The following HMCN1 variants were observed in gnomAD, a reference collection of about 807,000 sequenced individuals.
The protein encoded by HMCN1 is hemicentin 1.
A neutral mutation model predicts 625.9 loss-of-function variants in HMCN1; 321 were observed. That is an observed-to-expected ratio of 0.51 (90% confidence interval 0.47 to 0.56). The LOEUF (loss-of-function observed/expected upper bound fraction) is 0.56, where lower values mean the gene tolerates loss of function less well. Among genes scored for constraint, HMCN1 ranks in the 20% least tolerant of loss-of-function variants. The pLI is 0.00. For synonymous variants in HMCN1, 2,425 were observed against 2,417.6 expected, an observed-to-expected ratio of 1.00 and a Z score of -0.09; for missense variants, 6,588 against 6,887.3, an observed-to-expected ratio of 0.96 and a Z score of 1.54.
Position 186,081,382 on chromosome 1 carries a change from A to G in HMCN1, c.8775A>G (p.Gly2925=), listed in dbSNP as rs1659160598. 4 of 1,611,770 alleles carry G rather than the reference A, an allele frequency of 2.5e-6. No individual in the cohort carries two copies. The highest frequency in any genetic ancestry group is 3.4e-6 in the Non-Finnish European group (4 of 1,177,970). The change falls in exon 56 of 107, where the codon GGA becomes GGG. Residue 2925 remains glycine (G), a synonymous_variant. Coordinates refer to ENST00000271588, the MANE Select transcript of HMCN1 (RefSeq NM_031935.3). ...ACCATCATAAATTTCTATCTAATGG[A>G]CGAATTCTGCAGGTAAAAGTAAAGA... ...EDDHHKFLSN[G]RILQILNTQI... is the part of the protein sequence containing the mutation.
intron 1 of HMCN1, among the ~76,000 whole-genome samples, chr1:185,763,675 G>T (rs1026507075): frequency 3.9e-5 from 6 of 152,100 alleles, no homozygotes; most frequent in African/African-American, 1.4e-4. Flanking sequence ...TCTGCCAGAT[G>T]GTCATGTATA....
rs1442321559 is a variant in HMCN1, at chr1:185,969,960, C to T, written c.2213-375C>T. Among the ~76,000 whole-genome samples, 9 of 152,258 alleles carry T rather than the reference C, an allele frequency of 5.9e-5. No homozygotes were observed. The East Asian group carries it at 1.7e-3, about 29-fold the overall frequency. On this transcript the variant is annotated intron_variant, in intron 14 of 106. Coordinates refer to ENST00000271588, the MANE Select transcript of HMCN1 (RefSeq NM_031935.3). ...AGCAGAAATAAAATTCCTCTGGTCT[C>T]TCAAACATCTACTGAGTAACCAAAT...
At chr1:186,178,337 A>G (rs1652725369) in intron 103 of HMCN1, 79 bp from the exon 104 acceptor site, 1 of 1,028,458 alleles carries the variant, frequency 9.7e-7, no homozygotes, top group African/African-American at 1.6e-5. Context: ...TGTTTCACAG[A>G]CTCATTCTTT....
intron 63 of HMCN1, among the ~76,000 whole-genome samples, chr1:186,089,584 A>C (rs553888141): frequency 1.3e-5 from 2 of 152,162 alleles, no homozygotes; most frequent in Admixed American, 6.6e-5. Context: ...TCAGAGATTC[A>C]ACGTCAGAAG....
intron 1 of HMCN1, among the ~76,000 whole-genome samples, chr1:185,737,368 T>C (rs1018470133): frequency 1.3e-5 from 2 of 152,122 alleles, no homozygotes; most frequent in South Asian, 2.1e-4. Flanking sequence ...CGGGCTAGTC[T>C]TGAACTCCTG....
chr1:186,029,738 C>G lies in HMCN1; in HGVS notation c.5749+6585C>G, dbSNP rs946523854. On this transcript the variant is annotated intron_variant, in intron 36 of 106. Transcript: ENST00000271588. ...CTTCTCTATTTAATTTGTATATACT[C>G]TAATTTTTTTTGTTTTCTCCTTTTG... 2.6e-5 allele frequency among the ~76,000 whole-genome samples: 4 copies of G among 151,708 alleles called. No individual in the cohort carries two copies. In the East Asian group the frequency reaches 7.7e-4, roughly 29 times the overall value.
chr1:186,180,168 A>G (rs1317333637), intron 104 of HMCN1, among the ~76,000 whole-genome samples: 1 of 152,216 alleles, frequency 6.6e-6, no homozygotes, highest in East Asian at 1.9e-4. Flanking sequence ...ATATTAAACA[A>G]CACTGTCAAT....
intron 57 of HMCN1, among the ~76,000 whole-genome samples, chr1:186,083,528 T>G (rs1284992586): frequency 6.8e-6 from 1 of 147,288 alleles, no homozygotes; most frequent in East Asian, 2.0e-4. Flanking sequence ...AGTAGTTGAA[T>G]ATCTACTGCA....
intron 2 of HMCN1, among the ~76,000 whole-genome samples, chr1:185,849,968 GAA>G (rs150050607): frequency 0.053 from 7,976 of 151,750 alleles, 638 homozygotes; most frequent in African/African-American, 0.18. Flanking sequence ...CAAATTCTCT[GAA>G]AAAAAATTTC....
At chr1:186,038,088 A>C in intron 37 of HMCN1, 53 bp downstream of exon 37, 1 of 1,216,936 alleles carries the variant, frequency 8.2e-7, no homozygotes, top group Admixed American at 1.7e-5. Context: ...TCTGGGAATA[A>C]CTGAAATTGG....
intron 86 of HMCN1, 55 bp downstream of exon 86, chr1:186,132,464 A>G: frequency 7.7e-7 from 1 of 1,306,868 alleles, no homozygotes; most frequent in African/African-American, 1.5e-5. Context: ...ATTACCTAAT[A>G]AAGAGTATTT....
intron 79 of HMCN1, 43 bp from the exon 80 acceptor site, chr1:186,119,968 G>A (rs754913356): frequency 4.3e-6 from 7 of 1,613,906 alleles, no homozygotes; most frequent in Non-Finnish European, 5.9e-6. Context: ...TTAATGAACA[G>A]GCTTTTTTTT....
intron 36 of HMCN1, among the ~76,000 whole-genome samples, chr1:186,024,699 C>T (rs1256746555): frequency 6.6e-6 from 1 of 152,154 alleles, no homozygotes; most frequent in Non-Finnish European, 1.5e-5. Flanking sequence ...TAAAACATCT[C>T]CCACTTCATA....
chr1:185,944,878 A>C (rs1668258887), intron 11 of HMCN1, among the ~76,000 whole-genome samples: 1 of 152,216 alleles, frequency 6.6e-6, no homozygotes, highest in African/African-American at 2.4e-5. Context: ...AGGCGTAAGA[A>C]CTTTTGCAAG....
At chr1:185,817,268 C>A (rs904449051) in intron 1 of HMCN1, among the ~76,000 whole-genome samples, 2 of 152,100 alleles carry the variant, frequency 1.3e-5, no homozygotes, top group East Asian at 3.9e-4. Flanking sequence ...GGAAGTGGAA[C>A]TACAGAGCTC....
intron 1 of HMCN1, among the ~76,000 whole-genome samples, chr1:185,748,034 A>T (rs868839743): frequency 1.7e-4 from 20 of 118,142 alleles, no homozygotes; most frequent in Admixed American, 5.2e-4. Context: ...GGTACTTAAA[A>T]TTTTTTTTTT....
chr1:185,878,681 C>T (rs1456453915), intron 4 of HMCN1, among the ~76,000 whole-genome samples: 1 of 152,026 alleles, frequency 6.6e-6, no homozygotes, highest in Non-Finnish European at 1.5e-5. Flanking sequence ...ACACCATTAT[C>T]GACTTCATTT....
chr1:186,076,655 A>G, intron 54 of HMCN1, 33 bp downstream of exon 54: 1 of 1,589,690 alleles, frequency 6.3e-7, no homozygotes, highest in Non-Finnish European at 8.6e-7. Context: ...TGAAAAGCTG[A>G]CTCTCTGCCA....
At chr1:185,934,637 A>T (rs1048518421) in intron 11 of HMCN1, among the ~76,000 whole-genome samples, 1 of 152,196 alleles carries the variant, frequency 6.6e-6, no homozygotes, top group African/African-American at 2.4e-5. Context: ...TTCACTGTTA[A>T]GCTGAAAGGT....
Sources: gnomAD v4.1 joint callset for allele counts (sites outside exome capture counted in the v4.1 genomes callset) on GRCh38, gnomAD v4.1.1 for gene constraint, MANE v1.5 for transcripts, NCBI Gene and HGNC (gene_info 2026-07-23, HGNC 2026-07-21) for gene names.